Variants in DPP10 observed in about 807,000 individuals in gnomAD.
DPP10 encodes inactive dipeptidyl peptidase 10.
DPP10 carries 33 observed loss-of-function variants against 120.9 expected under a neutral mutation model. The ratio of observed to expected loss-of-function variants is 0.27; its 90% CI spans 0.21 to 0.37. The LOEUF (loss-of-function observed/expected upper bound fraction) is 0.37, where lower values mean the gene tolerates loss of function less well. Ranked by LOEUF, DPP10 falls within the 10% of genes least tolerant of loss-of-function variation. The probability of loss-of-function intolerance (pLI) is 1.00; values close to 1 mark genes in which losing one functional copy is unlikely to be tolerated. For synonymous variants in DPP10, 337 were observed against 326.1 expected, an observed-to-expected ratio of 1.03 and a Z score of -0.36; for missense variants, 816 against 942.8, an observed-to-expected ratio of 0.87 and a Z score of 1.76.
intron 8 of DPP10, among the ~76,000 whole-genome samples, chr2:115,728,885 G>A (rs944026595): frequency 7.2e-5 from 11 of 152,110 alleles, no homozygotes; most frequent in South Asian, 2.1e-4. Context: ...GTATATTTAC[G>A]TGAAATATTT....
chr2:114,496,381 A>C (rs1200496969), intron 1 of DPP10, among the ~76,000 whole-genome samples: 2 of 152,164 alleles, frequency 1.3e-5, no homozygotes, highest in Admixed American at 1.3e-4. Flanking sequence ...AAAATACCTT[A>C]GACTGGGTAT....
intron 1 of DPP10, among the ~76,000 whole-genome samples, chr2:114,528,630 T>G (rs1685704409): frequency 6.6e-6 from 1 of 151,374 alleles, no homozygotes; most frequent in Non-Finnish European, 1.5e-5. Context: ...TCATATAGAT[T>G]TGAGATTACC....
intron 1 of DPP10, among the ~76,000 whole-genome samples, chr2:114,889,394 C>T (rs996246393): frequency 6.6e-6 from 1 of 151,708 alleles, no homozygotes; most frequent in African/African-American, 2.4e-5. Flanking sequence ...AAATTTTATA[C>T]ATATTGAAAT....
chr2:115,267,813 C>T (rs923554135), intron 1 of DPP10, among the ~76,000 whole-genome samples: 6 of 152,102 alleles, frequency 3.9e-5, no homozygotes, highest in African/African-American at 1.2e-4. Context: ...TTGATGTCCC[C>T]ATATTTGCCA....
At chr2:115,289,462 C>A (rs1342817353) in intron 1 of DPP10, among the ~76,000 whole-genome samples, 5 of 54,102 alleles carry the variant, frequency 9.2e-5, no homozygotes, top group Admixed American at 5.9e-4. Flanking sequence ...TTAGAAAAAA[C>A]AAGCCTAAAA....
chr2:115,841,639 C>T lies in DPP10; in HGVS notation c.2257-572C>T, dbSNP rs148606094. On this transcript the variant is annotated intron_variant, in intron 25 of 25. Transcript: ENST00000410059. ...GAGTTTTATTCAAAGGGCAATGAGG[C>T]GCCATTTAAACCTTTGTACTCAGGA... 4.7e-4 allele frequency among the ~76,000 whole-genome samples: 72 copies of T among 152,162 alleles called. No homozygotes were observed. In the East Asian group the frequency reaches 5.8e-3, roughly 12 times the overall value.
At chr2:115,330,879 T>C (rs1249991122) in intron 2 of DPP10, among the ~76,000 whole-genome samples, 3 of 152,184 alleles carry the variant, frequency 2.0e-5, no homozygotes, top group Non-Finnish European at 2.9e-5. Flanking sequence ...AGCTTTGTTC[T>C]TTTGGCTTAG....
chr2:115,205,501 A>G (rs1044278513), intron 1 of DPP10, among the ~76,000 whole-genome samples: 1 of 152,174 alleles, frequency 6.6e-6, no homozygotes, highest in African/African-American at 2.4e-5. Flanking sequence ...TAGAACTACA[A>G]TTTGACCCAG....
intron 1 of DPP10, among the ~76,000 whole-genome samples, chr2:114,573,936 A>G (rs1018439597): frequency 2.0e-5 from 3 of 152,172 alleles, no homozygotes; most frequent in African/African-American, 7.2e-5. Flanking sequence ...CCACTTTTCC[A>G]AAGGATGGAG....
At chr2:114,604,412 T>C in intron 1 of DPP10, among the ~76,000 whole-genome samples, 1 of 152,022 alleles carries the variant, frequency 6.6e-6, no homozygotes, top group East Asian at 1.9e-4. Context: ...CAGAAAGACA[T>C]AGTTGCGTGC....
intron 1 of DPP10, among the ~76,000 whole-genome samples, chr2:114,541,890 T>G (rs1456425060): frequency 1.3e-5 from 2 of 152,146 alleles, no homozygotes; most frequent in Non-Finnish European, 2.9e-5. Flanking sequence ...AATGGGATTA[T>G]GGTTTTTATT....
chr2:114,618,812 A>G (rs1213671156), intron 1 of DPP10, among the ~76,000 whole-genome samples: 1 of 152,056 alleles, frequency 6.6e-6, no homozygotes. Flanking sequence ...AAAATATTGA[A>G]TCAAATACCC....
intron 1 of DPP10, among the ~76,000 whole-genome samples, chr2:114,550,176 G>A (rs149446024): frequency 1.3e-4 from 20 of 152,156 alleles, no homozygotes; most frequent in African/African-American, 4.8e-4. Flanking sequence ...ATGCAGGTCC[G>A]GAGACTTTAC....
intron 19 of DPP10, among the ~76,000 whole-genome samples, chr2:115,806,345 T>A (rs938998146): frequency 2.0e-5 from 3 of 152,168 alleles, no homozygotes; most frequent in African/African-American, 7.2e-5. Context: ...TCTTTACCGC[T>A]ATATGTCGGT....
At chr2:114,811,524 C>A (rs11898533) in intron 1 of DPP10, among the ~76,000 whole-genome samples, 2,828 of 152,108 alleles carry the variant, frequency 0.019, 89 homozygotes, top group African/African-American at 0.059. Context: ...CCATCCGTTC[C>A]ACCATGACAA....
chr2:114,562,393 C>T (rs1476365433), intron 1 of DPP10, among the ~76,000 whole-genome samples: 1 of 152,192 alleles, frequency 6.6e-6, no homozygotes, highest in East Asian at 1.9e-4. Flanking sequence ...GACTCCATCA[C>T]TGGTATGTTT....
intron 8 of DPP10, among the ~76,000 whole-genome samples, chr2:115,729,102 TAGAAAA>T (rs1174173643): frequency 4.6e-5 from 7 of 152,186 alleles, no homozygotes; most frequent in Admixed American, 6.5e-5. Context: ...AAGTATATAT[TAGAAAA>T]AGAAATACAC....
intron 1 of DPP10, among the ~76,000 whole-genome samples, chr2:114,837,191 A>G (rs915331646): frequency 1.3e-5 from 2 of 152,234 alleles, no homozygotes; most frequent in Non-Finnish European, 2.9e-5. Context: ...ATAAGTGTCC[A>G]TGAAATCTTC....
At chr2:115,326,477 C>T (rs112207552) in intron 2 of DPP10, among the ~76,000 whole-genome samples, 1 of 151,974 alleles carries the variant, frequency 6.6e-6, no homozygotes, top group East Asian at 1.9e-4. Flanking sequence ...TATTATTTTA[C>T]AGTGCATTCC....
Sources: allele counts gnomAD v4.1 joint callset (sites outside exome capture counted in the v4.1 genomes callset), GRCh38; gene constraint gnomAD v4.1.1; transcripts MANE v1.5; gene names NCBI Gene and HGNC (gene_info 2026-07-23, HGNC 2026-07-21).